THBS2: variants seen among roughly 807,000 people sequenced by gnomAD.
THBS2 encodes the protein thrombospondin 2.
THBS2 carries 47 observed loss-of-function variants against 135.2 expected under a neutral mutation model. That is an observed-to-expected ratio of 0.35 (90% CI 0.28 to 0.44). The LOEUF is 0.44. THBS2 is among the 20% of genes least tolerant of loss of function. The probability of loss-of-function intolerance (pLI) is 1.00; values close to 1 mark genes in which losing one functional copy is unlikely to be tolerated. For synonymous variants in THBS2, 639 were observed against 633.8 expected, an observed-to-expected ratio of 1.01 and a Z score of -0.12; for missense variants, 1,288 against 1,603.1, an observed-to-expected ratio of 0.80 and a Z score of 3.36.
rs1327983689 is a variant in THBS2 at position 169,232,725 on chromosome 6, G to C, written c.1871C>G (p.Pro624Arg). Residue 624 changes from proline to arginine, a missense_variant, in exon 12 of 22, where the codon CCC becomes CGC. Physicochemically the swap from Pro to Arg is moderately radical, Grantham distance 103. Transcript: ENST00000617924. Reference sequence around the variant, plus strand: ...GACGGGCTGGTTCCCTCTGTATCGGGGCGGGCAGGGCAGGCAGTGGAAGCC... The same window carrying C: ...GACGGGCTGGTTCCCTCTGTATCGGCGCGGGCAGGGCAGGCAGTGGAAGCC... Reference protein sequence around the residue: ...QPGFHCLPCPPRYRGNQPVGV... With the variant: ...QPGFHCLPCPRRYRGNQPVGV... The C allele has an allele frequency of 6.2e-7, 1 of 1,614,010 alleles. No individual in the cohort carries two copies. The highest frequency in any genetic ancestry group is 1.1e-5 in the South Asian group (1 of 91,088).
chr6:169,224,743 G>A (rs372109857), intron 17 of THBS2, among the ~76,000 whole-genome samples: 2 of 152,094 alleles, frequency 1.3e-5, no homozygotes, highest in Non-Finnish European at 2.9e-5. Flanking sequence ...CTTCACACTC[G>A]TGCCACTTTT....
chr6:169,232,248 G>GGAGGCGTCGAGGC (rs748189447), intron 12 of THBS2, 50 bp from the exon 13 acceptor site: 1 of 1,597,330 alleles, frequency 6.3e-7, no homozygotes, highest in South Asian at 1.1e-5. Context: ...CGATGGCTCC[G>GGAGGCGTCGAGGC]GAGGCGTCGA....
Position 169,239,486 on chromosome 6 carries a change from C to G in THBS2, c.1129+113G>C, listed in dbSNP as rs1780216494. On this transcript the variant is annotated intron_variant, in intron 7 of 21. Coordinates refer to ENST00000617924, the MANE Select transcript of THBS2 (RefSeq NM_003247.5). ...TGGCCCTCTGATTCTCTCACCTGTA[C>G]TCAGGGGGCTGAACCTCACTCTTCT... 6 of 966,728 alleles carry G rather than the reference C, an allele frequency of 6.2e-6. No homozygotes were observed. The South Asian group carries it at 7.8e-5, about 13-fold the overall frequency. The allele number at this position is 966,728 out of a possible 1,614,324, so 59.9% of individuals were successfully genotyped here.
At chr6:169,223,533 C>A in intron 17 of THBS2, 58 bp from the exon 18 acceptor site, 3 of 1,489,880 alleles carry the variant, frequency 2.0e-6, no homozygotes, top group South Asian at 2.3e-5. Flanking sequence ...AGTCGGTGGT[C>A]GGTGGTTTGC....
intron 3 of THBS2, among the ~76,000 whole-genome samples, chr6:169,247,569 T>C (rs751819343): frequency 6.6e-6 from 1 of 152,102 alleles, no homozygotes; most frequent in Non-Finnish European, 1.5e-5. Context: ...TGTAGGTATG[T>C]AAATGTGATG....
rs1429903641 is a variant in THBS2 at position 169,253,797 on chromosome 6, T to A, written c.-96A>T. On this transcript the variant is annotated 5_prime_UTR_variant, in exon 1 of 22. Transcript: ENST00000617924. Reference sequence around the variant, plus strand: ...CGAGTCAGAAAGGCGCAGGCTCTGCTGGAGCGAGAGACCGGCCCTGCAGTG... The same window carrying A: ...CGAGTCAGAAAGGCGCAGGCTCTGCAGGAGCGAGAGACCGGCCCTGCAGTG... 16 of 152,252 alleles carry A rather than the reference T, an allele frequency of 1.1e-4. No individual in the cohort carries two copies. Among genetic ancestry groups the A allele is most frequent in the Admixed American group, 1.0e-3 (16 of 15,292 alleles). 9.4% of individuals were successfully genotyped at this position (152,252 alleles called of 1,614,324 possible). A position where few individuals can be genotyped will look rare whatever the true frequency, so the allele number is the denominator to read the frequency against.
In THBS2 at chr6:169,223,230, C is replaced by T. The variant is rs186546781; in HGVS notation, c.3001+18G>A. 23 of 1,602,930 alleles carry T rather than the reference C, an allele frequency of 1.4e-5. No individual in the cohort carries two copies. Among genetic ancestry groups the T allele is most frequent in the Middle Eastern group, 1.8e-4 (1 of 5,524 alleles). ...CCCGGAGAAATGCTGGCACCACCGC[C>T]GTGTCTCAGAGACTCACCTACAGCG... On this transcript the variant is annotated intron_variant, in intron 18 of 21. Transcript: ENST00000617924.
chr6:169,219,974 A>G (rs536137222), intron 21 of THBS2, among the ~76,000 whole-genome samples: 3 of 152,158 alleles, frequency 2.0e-5, no homozygotes, highest in Admixed American at 6.5e-5. Flanking sequence ...AAATAATTGG[A>G]AAGTGTTCTA....
intron 4 of THBS2, among the ~76,000 whole-genome samples, chr6:169,242,615 C>T (rs1780357198): frequency 4.2e-5 from 3 of 71,698 alleles, no homozygotes; most frequent in African/African-American, 1.0e-4. Context: ...CACCTTCCCA[C>T]CGCTCCCACC....
In THBS2 at chr6:169,232,633, G is replaced by T. The variant is rs191564153; in HGVS notation, c.1932+31C>A. 4.5e-3 allele frequency: 7,062 copies of T among 1,564,846 alleles called. 42 individuals are homozygous for T. The highest frequency in any genetic ancestry group is 0.037 in the Middle Eastern group (216 of 5,766). On this transcript the variant is annotated intron_variant, in intron 12 of 21. Transcript: ENST00000617924. ...TCATCTGATTTTTCCAAAGCCGCTCGCAACACACAAGGAAGGCCGGCCTTG... is the reference window on the plus strand; with the variant it reads ...TCATCTGATTTTTCCAAAGCCGCTCTCAACACACAAGGAAGGCCGGCCTTG...
Position 169,217,468 on chromosome 6 carries a change from A to ATATACACATAAATACAATAAGTAAT in THBS2, c.*329_*353dup. ...TATGCACAGTATTCCCTTCAACTCC[A>ATATACACATAAATACAATAAGTAAT]TATACACATAAATACAATAAGTAAT... On this transcript the variant is annotated 3_prime_UTR_variant, in exon 22 of 22. Coordinates refer to ENST00000617924, the MANE Select transcript of THBS2 (RefSeq NM_003247.5). The ATATACACATAAATACAATAAGTAAT allele has an allele frequency of 3.5e-6, 1 of 283,492 alleles. No individual in the cohort carries two copies. Among genetic ancestry groups the ATATACACATAAATACAATAAGTAAT allele is most frequent in the African/African-American group, 2.2e-5 (1 of 46,038 alleles). 17.6% of individuals were successfully genotyped at this position (283,492 alleles called of 1,614,324 possible).
At chr6:169,240,143 C>T (rs191645556) in intron 6 of THBS2, among the ~76,000 whole-genome samples, 69 of 152,308 alleles carry the variant, frequency 4.5e-4, no homozygotes, top group Middle Eastern at 3.4e-3. Flanking sequence ...CTGTTGGAAC[C>T]GGATGGAATT....
Position 169,216,035 on chromosome 6 carries a change from G to T in THBS2, c.*1787C>A, listed in dbSNP as rs767591813. On this transcript the variant is annotated 3_prime_UTR_variant, in exon 22 of 22. Transcript: ENST00000617924. ...ATCGTCACTCCCACACCATTGTACG[G>T]TTGACCCCACAACACAGAAACAGAA... The T allele has an allele frequency of 6.6e-6, 1 of 152,114 alleles. No individual in the cohort carries two copies. Among genetic ancestry groups the T allele is most frequent in the Non-Finnish European group, 1.5e-5 (1 of 68,016 alleles). 9.4% of individuals were successfully genotyped at this position (152,114 alleles called of 1,614,324 possible). A position where few individuals can be genotyped will look rare whatever the true frequency, so the allele number is the denominator to read the frequency against.
intron 7 of THBS2, among the ~76,000 whole-genome samples, chr6:169,239,069 G>A (rs1000196319): frequency 1.3e-5 from 2 of 152,196 alleles, no homozygotes; most frequent in African/African-American, 4.8e-5. Flanking sequence ...CGTGCACTGA[G>A]TTTCCAGGGT....
chr6:169,231,787 C>T (rs536003573), intron 13 of THBS2, among the ~76,000 whole-genome samples, 193 bp downstream of exon 13: 1 of 152,294 alleles, frequency 6.6e-6, no homozygotes, highest in South Asian at 2.1e-4. Flanking sequence ...CCAGAGTGTG[C>T]CTGTGTCTAC....
chr6:169,221,079 C>T (rs1471498040), intron 20 of THBS2, among the ~76,000 whole-genome samples: 5 of 152,204 alleles, frequency 3.3e-5, no homozygotes, highest in African/African-American at 1.2e-4. Context: ...TAAATTCAGC[C>T]ATTTATATCA....
At position 169,216,201 on chromosome 6, in the gene THBS2, A is replaced by C. The variant is rs1417342080; in HGVS notation, c.*1621T>G. 1.3e-5 allele frequency: 2 copies of C among 152,230 alleles called. No individual in the cohort carries two copies. The highest frequency in any genetic ancestry group is 4.8e-5 in the African/African-American group (2 of 41,464). 9.4% of individuals were successfully genotyped at this position (152,230 alleles called of 1,614,324 possible). A position where few individuals can be genotyped will look rare whatever the true frequency, so the allele number is the denominator to read the frequency against. ...ACGATCAACCTCAAAGGAAACAACA[A>C]AATTAATTTTATCAAAATGCAATGT... On this transcript the variant is annotated 3_prime_UTR_variant, in exon 22 of 22. Transcript: ENST00000617924.
intron 14 of THBS2, among the ~76,000 whole-genome samples, chr6:169,229,252 A>T (rs528424548): frequency 2.0e-5 from 3 of 152,258 alleles, no homozygotes; most frequent in South Asian, 4.1e-4. Context: ...AGGCAAGTCT[A>T]TCACTCATGG....
chr6:169,237,167 T>A lies in THBS2; in HGVS notation c.1477+3A>T. ...CCCAGGGCCCCGCCTTCACCGTACT[T>A]ACTTGGGCATGGGGCGCCCTGGCAG... On this transcript the variant is annotated splice_donor_region_variant and intron_variant, in intron 9 of 21. Transcript: ENST00000617924. 1 of 1,603,496 alleles carries A rather than the reference T, an allele frequency of 6.2e-7. No individual in the cohort carries two copies. Among genetic ancestry groups the A allele is most frequent in the Non-Finnish European group, 8.5e-7 (1 of 1,178,198 alleles).
Sources: gnomAD v4.1 joint callset for allele counts (sites outside exome capture counted in the v4.1 genomes callset) on GRCh38, gnomAD v4.1.1 for gene constraint, MANE v1.5 for transcripts, NCBI Gene and HGNC (gene_info 2026-07-23, HGNC 2026-07-21) for gene names.